GUCY1A2: variants seen among roughly 807,000 people sequenced by gnomAD.
The protein encoded by GUCY1A2 is guanylate cyclase 1 soluble subunit alpha 2.
Under a neutral mutation model 63.5 loss-of-function variants are expected in GUCY1A2, and 27 were observed. That is an observed-to-expected ratio of 0.43 (90% CI 0.31 to 0.59). The LOEUF is 0.59. GUCY1A2 is among the 20% of genes least tolerant of loss of function. GUCY1A2 has a pLI of 0.11. For missense variants in GUCY1A2, 768 were observed against 913.3 expected (o/e 0.84, Z 2.05); for synonymous variants, 364 against 343.5 (o/e 1.06, Z -0.66).
chr11:106,749,288 C>T (rs1262458390), intron 6 of GUCY1A2, among the ~76,000 whole-genome samples: 3 of 152,024 alleles, frequency 2.0e-5, no homozygotes, highest in Admixed American at 6.6e-5. Flanking sequence ...CATTAAGCGA[C>T]ACATAAATAA....
chr11:106,740,900 C>T lies in GUCY1A2; in HGVS notation c.1837-32234G>A, dbSNP rs558419950. Among the ~76,000 whole-genome samples the T allele has an allele frequency of 1.4e-3, 213 of 152,132 alleles. 1 individual carries two copies. Among genetic ancestry groups the T allele is most frequent in the African/African-American group, 5.0e-3 (208 of 41,504 alleles). ...TTTGGTCAGGCTGGTCTCGTACTCC[C>T]AACCTCAGGTGATCCACCTGTCTTG... On this transcript the variant is annotated intron_variant, in intron 6 of 7. Coordinates refer to ENST00000526355, the MANE Select transcript of GUCY1A2 (RefSeq NM_000855.3).
chr11:106,974,910 A>C (rs1002430445), intron 3 of GUCY1A2, among the ~76,000 whole-genome samples: 2 of 152,068 alleles, frequency 1.3e-5, no homozygotes, highest in African/African-American at 4.8e-5. Flanking sequence ...TGCTTCCTAA[A>C]CCTGCAAATC....
intron 4 of GUCY1A2, among the ~76,000 whole-genome samples, chr11:106,855,211 G>C (rs1340253242): frequency 6.6e-6 from 1 of 152,094 alleles, no homozygotes; most frequent in Non-Finnish European, 1.5e-5. Context: ...CCTGTACTAG[G>C]CTAAGGGCCT....
At chr11:107,011,488 G>A (rs1054881070) in intron 1 of GUCY1A2, among the ~76,000 whole-genome samples, 4 of 146,216 alleles carry the variant, frequency 2.7e-5, no homozygotes, top group African/African-American at 5.0e-5. Flanking sequence ...CACTAAAAAG[G>A]AATATATAAT....
chr11:106,809,176 T>C (rs2135423638), intron 5 of GUCY1A2, among the ~76,000 whole-genome samples: 2 of 152,200 alleles, frequency 1.3e-5, no homozygotes, highest in Non-Finnish European at 2.9e-5. Flanking sequence ...CTGGTCAATA[T>C]GTATTAGTAA....
chr11:106,911,522 T>A (rs1860293988), intron 4 of GUCY1A2, among the ~76,000 whole-genome samples: 1 of 152,100 alleles, frequency 6.6e-6, no homozygotes, highest in South Asian at 2.1e-4. Context: ...AAGCACAGGA[T>A]TTAGGTAATC....
intron 4 of GUCY1A2, among the ~76,000 whole-genome samples, chr11:106,837,570 A>G (rs1859134250): frequency 6.6e-6 from 1 of 152,020 alleles, no homozygotes; most frequent in South Asian, 2.1e-4. Context: ...GAATCACCAC[A>G]CTGCTTTCCA....
chr11:106,925,528 T>G (rs1237142438), intron 4 of GUCY1A2, among the ~76,000 whole-genome samples: 1 of 152,176 alleles, frequency 6.6e-6, no homozygotes. Flanking sequence ...GAAACATAAG[T>G]GGAATAAATA....
intron 1 of GUCY1A2, among the ~76,000 whole-genome samples, chr11:106,999,671 T>C (rs1019839659): frequency 3.3e-5 from 5 of 152,206 alleles, no homozygotes; most frequent in African/African-American, 1.2e-4. Context: ...CTTACTAGTA[T>C]ATATTCTTTG....
intron 3 of GUCY1A2, among the ~76,000 whole-genome samples, chr11:106,956,935 A>C (rs531049643): frequency 6.6e-6 from 1 of 152,138 alleles, no homozygotes; most frequent in South Asian, 2.1e-4. Context: ...CTCCCTAGGG[A>C]CTCAGGCCCA....
intron 1 of GUCY1A2, among the ~76,000 whole-genome samples, chr11:106,998,484 C>T (rs1270503672): frequency 6.6e-6 from 1 of 152,164 alleles, no homozygotes; most frequent in East Asian, 1.9e-4. Flanking sequence ...TAAGCATGTG[C>T]ATATATTCAC....
At position 106,675,452 on chromosome 11, in the gene GUCY1A2, C is replaced by T. The variant is rs1212959870; in HGVS notation, c.*12097G>A. 5.0e-6 allele frequency: 1 copy of T among 201,152 alleles called. No individual in the cohort carries two copies. The highest frequency in any genetic ancestry group is 1.0e-5 in the Non-Finnish European group (1 of 97,858). The allele number at this position is 201,152 out of a possible 1,614,324, so 12.5% of individuals were successfully genotyped here. A position where few individuals can be genotyped will look rare whatever the true frequency, so the allele number is the denominator to read the frequency against. ...GTCGGAATAATTTTTGCTCCAAATT[C>T]TTAAAGGAGACAATGAATTAGTAGC... On this transcript the variant is annotated 3_prime_UTR_variant, in exon 8 of 8. Coordinates refer to ENST00000526355, the MANE Select transcript of GUCY1A2 (RefSeq NM_000855.3).
At chr11:106,957,252 C>G (rs906713409) in intron 3 of GUCY1A2, among the ~76,000 whole-genome samples, 2 of 151,966 alleles carry the variant, frequency 1.3e-5, no homozygotes, top group South Asian at 2.1e-4. Flanking sequence ...GCCCCTCCCC[C>G]CAGGAGCTCA....
At chr11:106,971,881 G>C (rs1861199635) in intron 3 of GUCY1A2, among the ~76,000 whole-genome samples, 1 of 152,124 alleles carries the variant, frequency 6.6e-6, no homozygotes. Flanking sequence ...GGGGCAGAAA[G>C]TATGAAAGAT....
intron 4 of GUCY1A2, among the ~76,000 whole-genome samples, chr11:106,855,905 A>G (rs200475959): frequency 2.3e-5 from 2 of 88,668 alleles, no homozygotes; most frequent in Non-Finnish European, 4.6e-5. Flanking sequence ...TTATTTATTT[A>G]TTTATTTATT....
chr11:106,689,446 A>G (rs1228509706), intron 7 of GUCY1A2, among the ~76,000 whole-genome samples: 1 of 152,208 alleles, frequency 6.6e-6, no homozygotes, highest in Non-Finnish European at 1.5e-5. Context: ...GTTGTATGCA[A>G]AAGCTAAAAG....
At chr11:106,781,973 T>G (rs1430026741) in intron 5 of GUCY1A2, among the ~76,000 whole-genome samples, 1 of 152,230 alleles carries the variant, frequency 6.6e-6, no homozygotes, top group Admixed American at 6.5e-5. Context: ...CCCTCTAGGC[T>G]AATACTTAAG....
chr11:106,721,625 C>G (rs556012393), intron 6 of GUCY1A2, among the ~76,000 whole-genome samples: 5 of 152,130 alleles, frequency 3.3e-5, no homozygotes, highest in Non-Finnish European at 7.4e-5. Flanking sequence ...CAGGTTGGTT[C>G]TTTAACGTCA....
chr11:107,014,518 A>G (rs950782406), intron 1 of GUCY1A2, among the ~76,000 whole-genome samples: 1 of 152,166 alleles, frequency 6.6e-6, no homozygotes, highest in Non-Finnish European at 1.5e-5. Context: ...GGTCTCCCGA[A>G]TTCTGGAATT....
Sources: gnomAD v4.1 joint callset for allele counts (sites outside exome capture counted in the v4.1 genomes callset) on GRCh38, gnomAD v4.1.1 for gene constraint, MANE v1.5 for transcripts, NCBI Gene and HGNC (gene_info 2026-07-23, HGNC 2026-07-21) for gene names.